Variants in RGSL1 observed in about 807,000 individuals in gnomAD.
The protein encoded by RGSL1 is regulator of G protein signaling protein-like.
A neutral mutation model predicts 124.7 loss-of-function variants in RGSL1; 97 were observed. The ratio of observed to expected loss-of-function variants is 0.78; its 90% CI spans 0.66 to 0.92. The LOEUF (loss-of-function observed/expected upper bound fraction) is 0.92. Ranked by LOEUF, RGSL1 falls within the 40% of genes least tolerant of loss-of-function variation. The pLI is 0.00. For synonymous variants in RGSL1, 424 were observed against 438.1 expected (o/e 0.97, Z 0.40); for missense variants, 1,233 against 1,288.4 (o/e 0.96, Z 0.66).
intron 6 of RGSL1, among the ~76,000 whole-genome samples, chr1:182,483,967 A>G (rs1273715107): frequency 6.6e-6 from 1 of 152,086 alleles, no homozygotes; most frequent in Non-Finnish European, 1.5e-5. Flanking sequence ...CTGAGCCAAT[A>G]GGGCTCAGTG....
chr1:182,482,752 A>G lies in RGSL1; in HGVS notation c.1432-5533A>G, dbSNP rs559863318. 7.2e-5 allele frequency among the ~76,000 whole-genome samples: 11 copies of G among 152,364 alleles called. No individual in the cohort carries two copies. The South Asian group carries it at 1.9e-3, about 26-fold the overall frequency. ...GAAAAGTAGAATCACCTTTTGATCC[A>G]GCAATCCCACTTCTGGGGATATATT... On this transcript the variant is annotated intron_variant, in intron 6 of 21. Coordinates refer to ENST00000294854, the MANE Select transcript of RGSL1 (RefSeq NM_001137669.2).
At chr1:182,461,525 A>G (rs1296456759) in intron 4 of RGSL1, among the ~76,000 whole-genome samples, 1 of 152,128 alleles carries the variant, frequency 6.6e-6, no homozygotes, top group East Asian at 1.9e-4. Context: ...GCTGTCCTTG[A>G]GAGAGCTCTG....
At chr1:182,486,758 C>T (rs12037722) in intron 6 of RGSL1, among the ~76,000 whole-genome samples, 15,730 of 152,212 alleles carry the variant, frequency 0.1, 972 homozygotes, top group South Asian at 0.18. Context: ...TCACTGCAAC[C>T]TCCGCCTCCT....
At chr1:182,514,250 T>A (rs1657690388) in intron 9 of RGSL1, among the ~76,000 whole-genome samples, 1 of 152,138 alleles carries the variant, frequency 6.6e-6, no homozygotes, top group African/African-American at 2.4e-5. Context: ...TGTAATTGAG[T>A]GACTTGGTCC....
chr1:182,460,037 GA>G lies in RGSL1; in HGVS notation c.210del (p.Lys70AsnfsTer46), dbSNP rs774087733. 43 of 1,551,472 alleles carry G rather than the reference GA, an allele frequency of 2.8e-5. 1 individual carries two copies. The South Asian group carries it at 3.4e-4, about 12-fold the overall frequency. Reference protein sequence around the residue: ...AKYKGLLTWLEKCRLPFFCKT... With the variant: ...AKYKGLLTWLXKCRLPFFCKT... ...ATACAAAGGGTTATTGACCTGGTTG[GA>G]AAAATGCCGATTACCTTTCTTCTGT... On this transcript the variant is annotated frameshift_variant, in exon 4 of 22. Transcript: ENST00000294854. LOFTEE classifies it high-confidence loss of function.
intron 9 of RGSL1, among the ~76,000 whole-genome samples, chr1:182,509,854 C>G: frequency 9.7e-6 from 1 of 103,210 alleles, no homozygotes; most frequent in African/African-American, 4.0e-5. Flanking sequence ...GGGTGGCTGC[C>G]GGGCGGAGAC....
At chr1:182,527,530 A>G (rs1432497521) in intron 10 of RGSL1, 49 bp from the exon 11 acceptor site, 7 of 1,456,918 alleles carry the variant, frequency 4.8e-6, no homozygotes, top group Admixed American at 4.5e-5. Context: ...AACAGAATCC[A>G]GAATCATCAT....
At chr1:182,488,543 G>C in intron 7 of RGSL1, 196 bp downstream of exon 7, 1 of 566,308 alleles carries the variant, frequency 1.8e-6, no homozygotes, top group Non-Finnish European at 3.1e-6. Context: ...AGATGACTTT[G>C]GTGAAACCCC....
intron 6 of RGSL1, among the ~76,000 whole-genome samples, chr1:182,479,953 G>A (rs917936969): frequency 3.9e-5 from 6 of 152,042 alleles, no homozygotes; most frequent in African/African-American, 1.4e-4. Flanking sequence ...AAATACATAC[G>A]CACCCAACAT....
At chr1:182,480,971 G>C (rs543516776) in intron 6 of RGSL1, among the ~76,000 whole-genome samples, 2 of 152,088 alleles carry the variant, frequency 1.3e-5, no homozygotes, top group African/African-American at 4.8e-5. Flanking sequence ...TACTAAGATG[G>C]ATGTTTATAG....
intron 4 of RGSL1, among the ~76,000 whole-genome samples, chr1:182,472,052 T>A (rs1277824474): frequency 6.6e-6 from 1 of 151,026 alleles, no homozygotes; most frequent in African/African-American, 2.4e-5. Flanking sequence ...GTCCATGATC[T>A]AGGAAATGTG....
chr1:182,461,278 C>T (rs1652810157), intron 4 of RGSL1, among the ~76,000 whole-genome samples: 1 of 151,686 alleles, frequency 6.6e-6, no homozygotes, highest in Non-Finnish European at 1.5e-5. Context: ...TAAATTTATG[C>T]CTCAGGCCAA....
chr1:182,488,955 T>A, intron 7 of RGSL1, 25 bp from the exon 8 acceptor site: 1 of 1,535,838 alleles, frequency 6.5e-7, no homozygotes, highest in Admixed American at 2.0e-5. Context: ...ACAAATGCCA[T>A]CTTCCCCTCA....
chr1:182,533,941 T>C (rs941076607), intron 14 of RGSL1, among the ~76,000 whole-genome samples: 3 of 152,084 alleles, frequency 2.0e-5, no homozygotes, highest in East Asian at 1.9e-4. Context: ...CACAGAATCA[T>C]AAAATAAGAA....
At chr1:182,483,583 G>A (rs1396437204) in intron 6 of RGSL1, among the ~76,000 whole-genome samples, 6 of 152,044 alleles carry the variant, frequency 3.9e-5, no homozygotes, top group African/African-American at 1.2e-4. Context: ...TTTCAAATGA[G>A]ACATAATGTG....
chr1:182,462,017 A>G (rs1652878375), intron 4 of RGSL1, among the ~76,000 whole-genome samples: 1 of 152,188 alleles, frequency 6.6e-6, no homozygotes, highest in African/African-American at 2.4e-5. Flanking sequence ...CAAAGAGCCC[A>G]ATGAACTCCA....
chr1:182,505,092 T>C (rs183616119), intron 9 of RGSL1, among the ~76,000 whole-genome samples: 63 of 152,340 alleles, frequency 4.1e-4, no homozygotes, highest in African/African-American at 1.4e-3. Context: ...TGTCAAATGC[T>C]ATCCCAACTG....
chr1:182,553,144 T>C (rs1364249595), intron 18 of RGSL1, among the ~76,000 whole-genome samples: 1 of 152,142 alleles, frequency 6.6e-6, no homozygotes, highest in Non-Finnish European at 1.5e-5. Flanking sequence ...CCTCAGGTGA[T>C]CCACTTGCCT....
intron 9 of RGSL1, among the ~76,000 whole-genome samples, chr1:182,508,940 C>G (rs1277925270): frequency 1.7e-5 from 1 of 60,556 alleles, no homozygotes; most frequent in Non-Finnish European, 3.4e-5. Flanking sequence ...CATCTTGCAC[C>G]GCCCTTAATC....
Sources: allele counts gnomAD v4.1 joint callset (sites outside exome capture counted in the v4.1 genomes callset), GRCh38; gene constraint gnomAD v4.1.1; transcripts MANE v1.5; gene names NCBI Gene and HGNC (gene_info 2026-07-23, HGNC 2026-07-21).